The following SSBP3 variants were observed in gnomAD, a reference collection of about 807,000 sequenced individuals.
SSBP3 encodes the protein single-stranded DNA-binding protein 3.
A neutral mutation model predicts 69.6 loss-of-function variants in SSBP3; 5 were observed. That is an observed-to-expected ratio of 0.07 (90% confidence interval 0.04 to 0.15). The LOEUF (loss-of-function observed/expected upper bound fraction) is 0.15. SSBP3 is among the 10% of genes least tolerant of loss of function. The pLI is 1.00. For synonymous variants in SSBP3, 196 were observed against 193.4 expected (o/e 1.01, Z -0.11); for missense variants, 312 against 534.0 (o/e 0.58, Z 4.10).
chr1:54,307,321 T>C (rs1179903217), intron 4 of SSBP3, among the ~76,000 whole-genome samples: 3 of 152,100 alleles, frequency 2.0e-5, no homozygotes, highest in Non-Finnish European at 4.4e-5. Flanking sequence ...ACCTTCTCTA[T>C]CAACCTTTAC....
intron 4 of SSBP3, among the ~76,000 whole-genome samples, chr1:54,387,411 G>A (rs1040798971): frequency 2.0e-5 from 3 of 152,130 alleles, no homozygotes; most frequent in East Asian, 1.9e-4. Flanking sequence ...TAAATCCAAC[G>A]TGGGCTCTTT....
At chr1:54,232,715 G>A (rs2100572871) in intron 14 of SSBP3, among the ~76,000 whole-genome samples, 2 of 151,688 alleles carry the variant, frequency 1.3e-5, no homozygotes, top group South Asian at 4.2e-4. Flanking sequence ...GCCTCAGCCT[G>A]CCGAGTGCCT....
intron 4 of SSBP3, among the ~76,000 whole-genome samples, chr1:54,284,669 A>T (rs1468725096): frequency 6.6e-6 from 1 of 151,818 alleles, no homozygotes; most frequent in Non-Finnish European, 1.5e-5. Context: ...AGGTCTCACT[A>T]TGTTGCCCAG....
chr1:54,277,776 C>T (rs765327595), intron 5 of SSBP3, among the ~76,000 whole-genome samples: 1 of 152,186 alleles, frequency 6.6e-6, no homozygotes, highest in Non-Finnish European at 1.5e-5. Flanking sequence ...GGACAGTGCC[C>T]TCCTTAGGAC....
intron 4 of SSBP3, among the ~76,000 whole-genome samples, chr1:54,342,225 A>G (rs1646621665): frequency 6.6e-6 from 1 of 152,212 alleles, no homozygotes; most frequent in Non-Finnish European, 1.5e-5. Flanking sequence ...GCCCTCCTCA[A>G]ATGCCCTTTC....
At chr1:54,341,969 G>T (rs1309309992) in intron 4 of SSBP3, among the ~76,000 whole-genome samples, 2 of 152,228 alleles carry the variant, frequency 1.3e-5, no homozygotes, top group East Asian at 3.9e-4. Context: ...GGGCAAAGAG[G>T]GAGGAGGCTG....
At chr1:54,244,155 G>A (rs1330143615) in intron 9 of SSBP3, among the ~76,000 whole-genome samples, 1 of 151,948 alleles carries the variant, frequency 6.6e-6, no homozygotes, top group African/African-American at 2.4e-5. Flanking sequence ...CCAGGCAGGA[G>A]AGCAGTGGCA....
chr1:54,404,502 T>TC, intron 3 of SSBP3, 74 bp downstream of exon 3: 1 of 1,572,562 alleles, frequency 6.4e-7, no homozygotes, highest in African/African-American at 1.3e-5. Flanking sequence ...GCTCCAAGCC[T>TC]CCCTTCTTTG....
At chr1:54,398,603 T>G (rs887829673) in intron 4 of SSBP3, among the ~76,000 whole-genome samples, 1 of 152,104 alleles carries the variant, frequency 6.6e-6, no homozygotes, top group Non-Finnish European at 1.5e-5. Context: ...CAACAGTGTC[T>G]AAGAGAACCC....
At chr1:54,375,203 C>A (rs1371905643) in intron 4 of SSBP3, among the ~76,000 whole-genome samples, 5 of 152,214 alleles carry the variant, frequency 3.3e-5, no homozygotes, top group Admixed American at 3.3e-4. Context: ...CAGCCATCAT[C>A]AGACAGCCTG....
intron 4 of SSBP3, 100 bp from the exon 5 acceptor site, chr1:54,281,627 C>T: frequency 9.1e-7 from 1 of 1,099,010 alleles, no homozygotes; most frequent in Non-Finnish European, 1.4e-6. Context: ...TCCACATTCC[C>T]CGTGGACCTT....
chr1:54,354,631 G>A (rs983062777), intron 4 of SSBP3, among the ~76,000 whole-genome samples: 2 of 152,076 alleles, frequency 1.3e-5, no homozygotes, highest in African/African-American at 2.4e-5. Flanking sequence ...TGGGGAGGGG[G>A]AGTGAGCCAC....
intron 4 of SSBP3, among the ~76,000 whole-genome samples, chr1:54,398,449 T>C (rs537654046): frequency 6.6e-6 from 1 of 152,178 alleles, no homozygotes; most frequent in Non-Finnish European, 1.5e-5. Flanking sequence ...TGCTTGTTGT[T>C]TGAGAAGGCA....
intron 4 of SSBP3, among the ~76,000 whole-genome samples, chr1:54,344,838 A>G (rs1420140436): frequency 1.3e-5 from 2 of 152,116 alleles, no homozygotes; most frequent in African/African-American, 2.4e-5. Context: ...ACAGCAAGAC[A>G]TTGTCTCAAA....
intron 4 of SSBP3, among the ~76,000 whole-genome samples, chr1:54,325,688 G>T (rs1021307617): frequency 2.0e-5 from 3 of 152,008 alleles, no homozygotes; most frequent in Non-Finnish European, 4.4e-5. Context: ...TTTGCCTATT[G>T]CTCTCTTTAT....
intron 4 of SSBP3, among the ~76,000 whole-genome samples, chr1:54,349,531 C>A (rs1022178892): frequency 2.0e-5 from 3 of 152,182 alleles, no homozygotes; most frequent in African/African-American, 7.2e-5. Context: ...CTGGTTCCCC[C>A]CAAATGAAGC....
intron 4 of SSBP3, among the ~76,000 whole-genome samples, chr1:54,389,207 A>T (rs1648302520): frequency 1.3e-5 from 2 of 152,328 alleles, no homozygotes; most frequent in South Asian, 4.1e-4. Context: ...TTTCTTCATT[A>T]AAATTAATGG....
chr1:54,247,196 G>A (rs958018978), intron 9 of SSBP3, among the ~76,000 whole-genome samples: 3 of 152,224 alleles, frequency 2.0e-5, no homozygotes, highest in African/African-American at 7.2e-5. Context: ...TCCTCAGAAG[G>A]GCTTTCTAGG....
intron 14 of SSBP3, chr1:54,238,893 C>A: frequency 2.5e-6 from 1 of 400,666 alleles, no homozygotes; most frequent in Middle Eastern, 8.4e-4. Flanking sequence ...GCACAGCGGG[C>A]ACCCTGGCTC....
Sources: allele counts gnomAD v4.1 joint callset (sites outside exome capture counted in the v4.1 genomes callset), GRCh38; gene constraint gnomAD v4.1.1; transcripts MANE v1.5; gene names NCBI Gene and HGNC (gene_info 2026-07-23, HGNC 2026-07-21).